Variants in KCNIP4 observed in about 807,000 individuals in gnomAD.
KCNIP4 encodes the protein Kv channel-interacting protein 4.
A neutral mutation model predicts 34.0 loss-of-function variants in KCNIP4; 12 were observed. The observed-to-expected ratio is 0.35, with a 90% CI of 0.23 to 0.57. KCNIP4 has a LOEUF of 0.57. Ranked by LOEUF, KCNIP4 falls within the 20% of genes least tolerant of loss-of-function variation. KCNIP4 has a pLI of 0.83. For synonymous variants in KCNIP4, 124 were observed against 102.2 expected (o/e 1.21, Z -1.29); for missense variants, 238 against 311.7 (o/e 0.76, Z 1.78).
At chr4:21,432,861 A>C (rs1000759367) in intron 1 of KCNIP4, among the ~76,000 whole-genome samples, 29 of 152,190 alleles carry the variant, frequency 1.9e-4, no homozygotes, top group African/African-American at 6.8e-4. Flanking sequence ...CACAGTTATA[A>C]TCAGGCTGAT....
intron 1 of KCNIP4, among the ~76,000 whole-genome samples, chr4:21,120,264 T>C (rs1215827002): frequency 6.6e-6 from 1 of 152,172 alleles, no homozygotes; most frequent in Non-Finnish European, 1.5e-5. Flanking sequence ...ATAGCAAATA[T>C]CACAGACTAG....
chr4:21,511,927 C>T (rs1276573397), intron 1 of KCNIP4, among the ~76,000 whole-genome samples: 1 of 151,548 alleles, frequency 6.6e-6, no homozygotes, highest in Non-Finnish European at 1.5e-5. Context: ...AGCATAATGG[C>T]TGACACAGGC....
rs1012933293 is a variant in KCNIP4 at position 21,053,713 on chromosome 4, C to G, written c.62-171004G>C. ...TAAAAGTCAATCACATTTCTATGTA[C>G]CAGCAATGAACATATAGAATTTGAA... On this transcript the variant is annotated intron_variant, in intron 1 of 8. Coordinates refer to ENST00000382152, the MANE Select transcript of KCNIP4 (RefSeq NM_025221.6). 7.2e-5 allele frequency among the ~76,000 whole-genome samples: 11 copies of G among 152,082 alleles called. No individual in the cohort carries two copies. The East Asian group carries it at 2.1e-3, about 29-fold the overall frequency.
At chr4:21,669,179 G>A (rs974441382) in intron 1 of KCNIP4, among the ~76,000 whole-genome samples, 1 of 147,362 alleles carries the variant, frequency 6.8e-6, no homozygotes, top group Non-Finnish European at 1.5e-5. Flanking sequence ...AGGCTGGAGT[G>A]CATTGTTGCA....
chr4:21,199,391 C>T (rs1756300666), intron 1 of KCNIP4, among the ~76,000 whole-genome samples: 1 of 152,194 alleles, frequency 6.6e-6, no homozygotes, highest in African/African-American at 2.4e-5. Flanking sequence ...TGTTCATATC[C>T]TTCCCCCACT....
At chr4:21,583,664 G>A (rs1471183984) in intron 1 of KCNIP4, among the ~76,000 whole-genome samples, 1 of 151,956 alleles carries the variant, frequency 6.6e-6, no homozygotes, top group Non-Finnish European at 1.5e-5. Context: ...AAATTTTCAT[G>A]GTTGAAATAC....
chr4:21,343,219 T>C (rs908291113), intron 1 of KCNIP4, among the ~76,000 whole-genome samples: 1 of 151,960 alleles, frequency 6.6e-6, no homozygotes, highest in African/African-American at 2.4e-5. Flanking sequence ...AGGTCCAAAG[T>C]CAATAAAAAT....
At chr4:21,671,006 G>A (rs922401390) in intron 1 of KCNIP4, among the ~76,000 whole-genome samples, 1 of 151,296 alleles carries the variant, frequency 6.6e-6, no homozygotes, top group South Asian at 2.1e-4. Context: ...GTTTTCCACT[G>A]GTTTAATCAT....
chr4:21,069,336 T>A (rs1336457411), intron 1 of KCNIP4, among the ~76,000 whole-genome samples: 2 of 152,236 alleles, frequency 1.3e-5, no homozygotes, highest in Non-Finnish European at 2.9e-5. Flanking sequence ...CCGCTTTATT[T>A]GGTTTCATTC....
intron 3 of KCNIP4, among the ~76,000 whole-genome samples, chr4:20,819,398 C>A (rs771590051): frequency 5.3e-5 from 8 of 152,088 alleles, no homozygotes; most frequent in Non-Finnish European, 1.0e-4. Context: ...TAAAACAAAC[C>A]AATTGTTCAA....
chr4:21,005,577 T>C (rs73099833), intron 1 of KCNIP4, among the ~76,000 whole-genome samples: 25,385 of 152,098 alleles, frequency 0.17, 2,309 homozygotes, highest in South Asian at 0.23. Flanking sequence ...TATCTACCAT[T>C]TTTTTTTCTA....
At chr4:20,848,821 G>T (rs758773115) in intron 3 of KCNIP4, among the ~76,000 whole-genome samples, 17 of 152,132 alleles carry the variant, frequency 1.1e-4, no homozygotes, top group Admixed American at 2.0e-4. Context: ...AAAAAAGTCT[G>T]CTTATTACTA....
chr4:20,816,569 T>C (rs1200635735), intron 3 of KCNIP4, among the ~76,000 whole-genome samples: 1 of 152,178 alleles, frequency 6.6e-6, no homozygotes, highest in Non-Finnish European at 1.5e-5. Context: ...TGTACTGAGC[T>C]GGGGAAATGT....
intron 1 of KCNIP4, among the ~76,000 whole-genome samples, chr4:21,605,333 A>C (rs1743556587): frequency 6.6e-6 from 1 of 152,162 alleles, no homozygotes; most frequent in Non-Finnish European, 1.5e-5. Context: ...GCTTCTCCTC[A>C]AAGTCAATGA....
At chr4:21,519,656 GTA>G (rs1484150728) in intron 1 of KCNIP4, among the ~76,000 whole-genome samples, 12 of 140,766 alleles carry the variant, frequency 8.5e-5, no homozygotes, top group Non-Finnish European at 1.7e-4. Context: ...GTATGTATGT[GTA>G]TATATACACG....
intron 3 of KCNIP4, among the ~76,000 whole-genome samples, chr4:20,777,269 T>C (rs533634607): frequency 1.3e-5 from 2 of 152,288 alleles, no homozygotes; most frequent in East Asian, 3.9e-4. Flanking sequence ...CCATCAGCTC[T>C]TGTGAGAACT....
At chr4:21,814,766 C>A (rs1322835557) in intron 1 of KCNIP4, among the ~76,000 whole-genome samples, 3 of 152,144 alleles carry the variant, frequency 2.0e-5, no homozygotes, top group African/African-American at 7.2e-5. Context: ...AGTTCACTAC[C>A]TTCAGACTAA....
Position 21,238,881 on chromosome 4 carries a change from G to C in KCNIP4, c.62-356172C>G, listed in dbSNP as rs572827750. Among the ~76,000 whole-genome samples the C allele has an allele frequency of 7.3e-5, 11 of 151,582 alleles. 1 individual carries two copies. In the South Asian group the frequency reaches 2.3e-3, roughly 32 times the overall value. ...TTCACAGAATTGGAAAAAAACTAAA[G>C]TTCATATGGAACCAAAACAGAGCCC... On this transcript the variant is annotated intron_variant, in intron 1 of 8. Transcript: ENST00000382152.
chr4:21,804,810 A>G (rs1721199719), intron 1 of KCNIP4, among the ~76,000 whole-genome samples: 1 of 152,202 alleles, frequency 6.6e-6, no homozygotes, highest in Admixed American at 6.5e-5. Context: ...ACATTCCTAA[A>G]CATACAATTT....
Sources: allele counts gnomAD v4.1 joint callset (sites outside exome capture counted in the v4.1 genomes callset), GRCh38; gene constraint gnomAD v4.1.1; transcripts MANE v1.5; gene names NCBI Gene and HGNC (gene_info 2026-07-23, HGNC 2026-07-21).